The following CEP85L variants were observed in gnomAD, a reference collection of about 807,000 sequenced individuals.
CEP85L encodes centrosomal protein 85L.
Under a neutral mutation model 100.3 loss-of-function variants are expected in CEP85L, and 60 were observed. The ratio of observed to expected loss-of-function variants is 0.60; its 90% CI spans 0.49 to 0.74. The LOEUF is 0.74. Ranked by LOEUF, CEP85L falls within the 30% of genes least tolerant of loss-of-function variation. The probability of loss-of-function intolerance (pLI) is 0.00; values close to 1 mark genes in which losing one functional copy is unlikely to be tolerated. For missense variants in CEP85L, 973 were observed against 936.2 expected, an observed-to-expected ratio of 1.04 and a Z score of -0.51; for synonymous variants, 319 against 322.7, an observed-to-expected ratio of 0.99 and a Z score of 0.12.
At chr6:118,493,424 G>C (rs1389851819) in intron 5 of CEP85L, among the ~76,000 whole-genome samples, 1 of 152,092 alleles carries the variant, frequency 6.6e-6, no homozygotes, top group Non-Finnish European at 1.5e-5. Flanking sequence ...TGATGAAAGG[G>C]AAGAGATGAG....
intron 2 of CEP85L, among the ~76,000 whole-genome samples, chr6:118,626,754 T>G (rs1773824881): frequency 2.0e-5 from 3 of 152,262 alleles, no homozygotes; most frequent in South Asian, 4.1e-4. Context: ...GCAGTCAGCC[T>G]CCACACCAAT....
At chr6:118,580,853 G>T (rs1178684856) in intron 2 of CEP85L, among the ~76,000 whole-genome samples, 2 of 152,166 alleles carry the variant, frequency 1.3e-5, no homozygotes, top group Admixed American at 6.5e-5. Flanking sequence ...TAGTAACCGG[G>T]AGTTTAACTC....
At chr6:118,672,616 C>T (rs768689912) in intron 1 of CEP85L, among the ~76,000 whole-genome samples, 2 of 151,910 alleles carry the variant, frequency 1.3e-5, no homozygotes, top group Non-Finnish European at 2.9e-5. Context: ...AAATGCAAAA[C>T]TTAGCTGGGC....
At chr6:118,552,090 A>G (rs560960939) in intron 3 of CEP85L, among the ~76,000 whole-genome samples, 10 of 152,166 alleles carry the variant, frequency 6.6e-5, no homozygotes, top group African/African-American at 2.4e-4. Flanking sequence ...CTTCTAAACC[A>G]ATTAGATGGA....
intron 7 of CEP85L, among the ~76,000 whole-genome samples, chr6:118,483,353 T>A (rs1773933167): frequency 6.6e-6 from 1 of 152,062 alleles, no homozygotes; most frequent in Non-Finnish European, 1.5e-5. Context: ...AGAAAGATAG[T>A]CAACAAAAGG....
In CEP85L at chr6:118,584,423, G is replaced by A. The variant is rs140667993; in HGVS notation, c.233-18107C>T. Among the ~76,000 whole-genome samples the A allele has an allele frequency of 3.4e-3, 512 of 152,286 alleles. 4 individuals are homozygous for A. Among genetic ancestry groups the A allele is most frequent in the African/African-American group, 0.012 (495 of 41,562 alleles). On this transcript the variant is annotated intron_variant, in intron 2 of 12. Coordinates refer to ENST00000368491, the MANE Select transcript of CEP85L (RefSeq NM_001042475.3). The stretch of plus-strand genomic sequence containing the variant: ...TGTAGACTATGGATACCTGGGTATG[G>A]TGAAATAGGCTGTCCATGATATAAC...
At chr6:118,473,959 G>A (rs771696677) in intron 10 of CEP85L, among the ~76,000 whole-genome samples, 2 of 152,132 alleles carry the variant, frequency 1.3e-5, no homozygotes, top group Non-Finnish European at 2.9e-5. Flanking sequence ...CTTTTTTAAT[G>A]TTTCTAAGAA....
At chr6:118,583,801 A>C (rs1230936024) in intron 2 of CEP85L, among the ~76,000 whole-genome samples, 2 of 152,198 alleles carry the variant, frequency 1.3e-5, no homozygotes, top group African/African-American at 4.8e-5. Flanking sequence ...CAGAAACCCA[A>C]TGGGGAATGA....
chr6:118,514,235 A>G (rs984204700), intron 4 of CEP85L, among the ~76,000 whole-genome samples: 1 of 152,190 alleles, frequency 6.6e-6, no homozygotes, highest in African/African-American at 2.4e-5. Context: ...TAAGAAAACA[A>G]ATAGCAATGC....
At chr6:118,489,834 C>T (rs1293824885) in intron 6 of CEP85L, among the ~76,000 whole-genome samples, 1 of 152,114 alleles carries the variant, frequency 6.6e-6, no homozygotes, top group African/African-American at 2.4e-5. Flanking sequence ...AACATTTGTA[C>T]TCCCATGTTC....
chr6:118,538,418 AC>A (rs1423638784), intron 3 of CEP85L, among the ~76,000 whole-genome samples: 4 of 151,996 alleles, frequency 2.6e-5, no homozygotes, highest in East Asian at 1.9e-4. Flanking sequence ...TATATAAAAA[AC>A]ATCTTAAGAA....
intron 1 of CEP85L, among the ~76,000 whole-genome samples, chr6:118,671,189 G>C (rs1776295740): frequency 6.6e-6 from 1 of 152,122 alleles, no homozygotes; most frequent in South Asian, 2.1e-4. Context: ...GAGCCCTCTT[G>C]AATTGCCTGG....
At chr6:118,473,840 T>C (rs966088223) in intron 10 of CEP85L, among the ~76,000 whole-genome samples, 1 of 152,086 alleles carries the variant, frequency 6.6e-6, no homozygotes, top group Non-Finnish European at 1.5e-5. Context: ...AAATCTAGGA[T>C]ACCTGGACTG....
intron 3 of CEP85L, among the ~76,000 whole-genome samples, chr6:118,557,453 A>G (rs1778943461): frequency 1.3e-5 from 2 of 152,236 alleles, no homozygotes; most frequent in South Asian, 4.1e-4. Context: ...TCATTTTGTT[A>G]TAACATTTAA....
intron 7 of CEP85L, 106 bp from the exon 8 acceptor site, chr6:118,482,039 A>G (rs1241037144): frequency 1.7e-6 from 1 of 591,520 alleles, no homozygotes; most frequent in African/African-American, 2.0e-5. Context: ...AGCTAAAAAA[A>G]AAAAAAAAAA....
intron 3 of CEP85L, among the ~76,000 whole-genome samples, chr6:118,538,922 T>G (rs1218450749): frequency 6.6e-6 from 1 of 152,038 alleles, no homozygotes; most frequent in Non-Finnish European, 1.5e-5. Context: ...GAAAAAAAAT[T>G]AATGATATAA....
At chr6:118,684,791 G>A (rs1214028814) in intron 1 of CEP85L, among the ~76,000 whole-genome samples, 3 of 152,122 alleles carry the variant, frequency 2.0e-5, no homozygotes, top group Admixed American at 2.0e-4. Flanking sequence ...AGTCCTGGTT[G>A]TTTTCTTTAA....
At chr6:118,594,728 C>T (rs888949032) in intron 2 of CEP85L, among the ~76,000 whole-genome samples, 2 of 151,280 alleles carry the variant, frequency 1.3e-5, no homozygotes, top group South Asian at 2.1e-4. Flanking sequence ...TGGTGGCAGG[C>T]GCCTGTAGTC....
intron 1 of CEP85L, among the ~76,000 whole-genome samples, chr6:118,639,655 T>G (rs1484661426): frequency 6.6e-6 from 1 of 152,228 alleles, no homozygotes; most frequent in African/African-American, 2.4e-5. Flanking sequence ...TTAACCCATA[T>G]GTATATGACT....
Sources: gnomAD v4.1 joint callset for allele counts (sites outside exome capture counted in the v4.1 genomes callset) on GRCh38, gnomAD v4.1.1 for gene constraint, MANE v1.5 for transcripts, NCBI Gene and HGNC (gene_info 2026-07-23, HGNC 2026-07-21) for gene names.